UBA6: variants seen among roughly 807,000 people sequenced by gnomAD.
UBA6 encodes ubiquitin-like modifier-activating enzyme 6.
A neutral mutation model predicts 148.3 loss-of-function variants in UBA6; 87 were observed. The ratio of observed to expected loss-of-function variants is 0.59; its 90% CI spans 0.49 to 0.70. The LOEUF is 0.70. UBA6 is among the 30% of genes least tolerant of loss of function. The pLI, the probability that UBA6 is intolerant of heterozygous loss-of-function variation, is 0.00. For missense variants in UBA6, 1,186 were observed against 1,241.2 expected (o/e 0.96, Z 0.67); for synonymous variants, 376 against 401.0 (o/e 0.94, Z 0.75).
chr4:67,655,772 A>G (rs1475548700), intron 13 of UBA6, among the ~76,000 whole-genome samples: 1 of 152,226 alleles, frequency 6.6e-6, no homozygotes, highest in East Asian at 1.9e-4. Flanking sequence ...GAAAAGATCA[A>G]CAAATTGATA....
chr4:67,629,122 G>C lies in UBA6; in HGVS notation c.2349C>G (p.Leu783=), dbSNP rs776008537. Residue 783 remains leucine (L), a synonymous_variant, in exon 27 of 33, where the codon CTC becomes CTG. Coordinates refer to ENST00000322244, the MANE Select transcript of UBA6 (RefSeq NM_018227.6). The part of the protein sequence containing the change: ...FAEEDLSADA[L]LNILSEVKIQ... ...TCTTTACTTCTGAAAGAATATTCAA[G>C]AGGGCATCTGCTGATAAGTCCTGTT... 1 of 1,608,890 alleles carries C rather than the reference G, an allele frequency of 6.2e-7. No individual in the cohort carries two copies. Among genetic ancestry groups the C allele is most frequent in the Non-Finnish European group, 8.5e-7 (1 of 1,176,288 alleles).
chr4:67,630,546 T>TA lies in UBA6; in HGVS notation c.2259-12dup. On this transcript the variant is annotated splice_polypyrimidine_tract_variant and intron_variant, in intron 25 of 32. Coordinates refer to ENST00000322244, the MANE Select transcript of UBA6 (RefSeq NM_018227.6). The stretch of plus-strand genomic sequence containing the variant: ...AGGAAACTGAGGTGCCTTTTGAAAT[T>TA]AAAAAATAAAGCAAAATTTGAATGT... 1 of 1,554,570 alleles carries TA rather than the reference T, an allele frequency of 6.4e-7. No homozygotes were observed. The highest frequency in any genetic ancestry group is 8.7e-7 in the Non-Finnish European group (1 of 1,148,926).
At chr4:67,622,624 G>C (rs1390506210) in intron 32 of UBA6, among the ~76,000 whole-genome samples, 1 of 152,152 alleles carries the variant, frequency 6.6e-6, no homozygotes, top group Non-Finnish European at 1.5e-5. Flanking sequence ...GCCAAATCAG[G>C]TTTCTAAACC....
At chr4:67,662,345 T>A in intron 12 of UBA6, 90 bp from the exon 13 acceptor site, 2 of 1,163,182 alleles carry the variant, frequency 1.7e-6, no homozygotes, top group Non-Finnish European at 1.2e-6. Context: ...AGGAAATATA[T>A]AAAAGAATGT....
intron 2 of UBA6, among the ~76,000 whole-genome samples, chr4:67,683,694 T>C (rs977330364): frequency 2.0e-5 from 3 of 152,082 alleles, no homozygotes; most frequent in African/African-American, 7.2e-5. Flanking sequence ...ACCCCTGCTC[T>C]AATGTATATC....
chr4:67,660,817 T>C (rs1367935694), intron 13 of UBA6, among the ~76,000 whole-genome samples: 1 of 152,158 alleles, frequency 6.6e-6, no homozygotes, highest in African/African-American at 2.4e-5. Context: ...TGCCAACTCA[T>C]GAAAGCAGTC....
At chr4:67,645,793 A>G (rs1356122808) in intron 16 of UBA6, 145 bp downstream of exon 16, 1 of 412,572 alleles carries the variant, frequency 2.4e-6, no homozygotes, top group Non-Finnish European at 4.2e-6. Context: ...ACAGTAAACA[A>G]TTTCAGCTTT....
intron 14 of UBA6, among the ~76,000 whole-genome samples, chr4:67,648,172 A>G (rs1041165250): frequency 6.6e-5 from 10 of 151,880 alleles, no homozygotes; most frequent in Admixed American, 5.9e-4. Flanking sequence ...GTACCTTTTA[A>G]AATATAAAAA....
intron 31 of UBA6, 42 bp downstream of exon 31, chr4:67,623,093 A>T: frequency 6.8e-7 from 1 of 1,462,940 alleles, no homozygotes; most frequent in South Asian, 1.2e-5. Flanking sequence ...CAGAAACCAG[A>T]CATAAAGCTA....
At chr4:67,673,597 TA>T in intron 7 of UBA6, 99 bp downstream of exon 7, 2 of 639,956 alleles carry the variant, frequency 3.1e-6, no homozygotes, top group Non-Finnish European at 2.7e-6. Context: ...GATTAATATG[TA>T]AAAAGTTTCT....
At chr4:67,685,451 C>A (rs1207517929) in intron 2 of UBA6, among the ~76,000 whole-genome samples, 1 of 152,050 alleles carries the variant, frequency 6.6e-6, no homozygotes, top group Non-Finnish European at 1.5e-5. Flanking sequence ...TGAATCATAC[C>A]CAATTTAGAT....
intron 32 of UBA6, among the ~76,000 whole-genome samples, chr4:67,622,397 T>G (rs1229514199): frequency 6.6e-6 from 1 of 152,232 alleles, no homozygotes; most frequent in African/African-American, 2.4e-5. Flanking sequence ...ATACTTGCCT[T>G]ATTGTTATGC....
rs747354546 is a variant in UBA6, at chr4:67,624,290, C to A, written c.2713-37G>T. 5.2e-6 allele frequency: 8 copies of A among 1,550,848 alleles called. 1 individual carries two copies. The highest frequency in any genetic ancestry group is 2.5e-5 in the South Asian group (2 of 80,708). ...AAGGTGATCTGATAATATAAACAGC[C>A]TAAAACTATCCGTGATTTTAATTGC... On this transcript the variant is annotated intron_variant, in intron 29 of 32. Transcript: ENST00000322244.
rs761720308 is a variant in UBA6, at chr4:67,624,234, T to G, written c.2732A>C (p.Lys911Thr). Residue 911 changes from lysine to threonine, a missense_variant, in exon 30 of 33, where the codon AAA becomes ACA. Transcript: ENST00000322244. ...VSGLVALEMI[K>T]VTGGYPFEAY... The stretch of plus-strand genomic sequence containing the variant: ...TTCAAATGGATAGCCACCAGTTACT[T>G]TGATCATCTCCAAGGCAACCTAGAT... The G allele has an allele frequency of 1.9e-6, 3 of 1,609,126 alleles. No individual in the cohort carries two copies. The highest frequency in any genetic ancestry group is 1.7e-6 in the Non-Finnish European group (2 of 1,178,080).
intron 2 of UBA6, among the ~76,000 whole-genome samples, chr4:67,696,410 CACATAT>C (rs1323995246): frequency 3.4e-5 from 5 of 147,900 alleles, no homozygotes; most frequent in African/African-American, 7.4e-5. Context: ...TATATACACA[CACATAT>C]ACATATATAC....
At chr4:67,664,960 G>A (rs1199673212) in intron 10 of UBA6, among the ~76,000 whole-genome samples, 1 of 151,868 alleles carries the variant, frequency 6.6e-6, no homozygotes, top group Non-Finnish European at 1.5e-5. Context: ...ATATGTATAT[G>A]GTATTCTGGC....
At chr4:67,627,385 A>T (rs1198999683) in intron 27 of UBA6, among the ~76,000 whole-genome samples, 1 of 151,948 alleles carries the variant, frequency 6.6e-6, no homozygotes. Context: ...GGGAGTTGTG[A>T]AAAAGCCCAC....
intron 2 of UBA6, among the ~76,000 whole-genome samples, chr4:67,687,813 C>T (rs1399825789): frequency 6.6e-6 from 1 of 152,154 alleles, no homozygotes; most frequent in Non-Finnish European, 1.5e-5. Context: ...GACATGATCT[C>T]ATTCTTTTAA....
rs1159565432 is a variant in UBA6, at chr4:67,614,868, A to T, written c.*4129T>A. 3.6e-5 allele frequency: 1 copy of T among 27,400 alleles called. No individual in the cohort carries two copies. The highest frequency in any genetic ancestry group is 9.4e-5 in the Non-Finnish European group (1 of 10,654). 1.7% of individuals were successfully genotyped at this position (27,400 alleles called of 1,614,324 possible). On this transcript the variant is annotated 3_prime_UTR_variant, in exon 33 of 33. Coordinates refer to ENST00000322244, the MANE Select transcript of UBA6 (RefSeq NM_018227.6). ...TGAATCAATGAGGAAAAAGATTAGC[A>T]ACACAACAAAAACGTGTGGCAGTCC...
Sources: gnomAD v4.1 joint callset for allele counts (sites outside exome capture counted in the v4.1 genomes callset) on GRCh38, gnomAD v4.1.1 for gene constraint, MANE v1.5 for transcripts, NCBI Gene and HGNC (gene_info 2026-07-23, HGNC 2026-07-21) for gene names.